MACROD2: variants seen among roughly 807,000 people sequenced by gnomAD.
The protein encoded by MACROD2 is mono-ADP ribosylhydrolase 2.
A neutral mutation model predicts 70.4 loss-of-function variants in MACROD2; 36 were observed. The observed-to-expected ratio is 0.51, with a 90% CI of 0.39 to 0.68. MACROD2 has a LOEUF of 0.68. Among genes scored for constraint, MACROD2 ranks in the 30% least tolerant of loss-of-function variants. MACROD2 has a pLI of 0.00. For missense variants in MACROD2, 496 were observed against 538.4 expected, an observed-to-expected ratio of 0.92 and a Z score of 0.78; for synonymous variants, 172 against 178.8, an observed-to-expected ratio of 0.96 and a Z score of 0.30.
At chr20:14,276,698 C>T (rs908634972) in intron 3 of MACROD2, among the ~76,000 whole-genome samples, 4 of 152,006 alleles carry the variant, frequency 2.6e-5, no homozygotes, top group African/African-American at 9.7e-5. Context: ...TGCATTTTGA[C>T]ACTATTGTAT....
At chr20:14,996,690 G>T (rs1015492787) in intron 5 of MACROD2, among the ~76,000 whole-genome samples, 1 of 152,252 alleles carries the variant, frequency 6.6e-6, no homozygotes, top group African/African-American at 2.4e-5. Context: ...TTGTGCTTGG[G>T]AAAAGGAGAG....
At chr20:15,323,086 T>G (rs980860956) in intron 6 of MACROD2, among the ~76,000 whole-genome samples, 2 of 103,998 alleles carry the variant, frequency 1.9e-5, no homozygotes, top group African/African-American at 5.9e-5. Context: ...GATGTTGACA[T>G]TCTGCCATTC....
In MACROD2 at chr20:15,943,884, G is replaced by T. The variant is rs184078679; in HGVS notation, c.907+6340G>T. Among the ~76,000 whole-genome samples, 274 of 151,944 alleles carry T rather than the reference G, an allele frequency of 1.8e-3. 3 individuals carry two copies. In the East Asian group the frequency reaches 0.029, roughly 16 times the overall value. On this transcript the variant is annotated intron_variant, in intron 12 of 17. Transcript: ENST00000684519. Reference sequence around the variant, plus strand: ...TTAATGTGAAAAATATACAATAAAAGCATATAGTCATTTTCCCTTTAAGGA... The same window carrying T: ...TTAATGTGAAAAATATACAATAAAATCATATAGTCATTTTCCCTTTAAGGA...
chr20:14,919,385 TTCTC>T (rs200709966), intron 5 of MACROD2, among the ~76,000 whole-genome samples: 4,008 of 152,348 alleles, frequency 0.026, 81 homozygotes, highest in Non-Finnish European at 0.039. Flanking sequence ...TCACTTACTT[TTCTC>T]TCTAATTTCA....
At chr20:14,205,871 A>G (rs1601346664) in intron 3 of MACROD2, among the ~76,000 whole-genome samples, 1 of 152,244 alleles carries the variant, frequency 6.6e-6, no homozygotes, top group Non-Finnish European at 1.5e-5. Flanking sequence ...TTAAATAGAT[A>G]CAAAGCCTTC....
intron 3 of MACROD2, among the ~76,000 whole-genome samples, chr20:14,321,848 T>A (rs1377236131): frequency 6.6e-6 from 1 of 152,136 alleles, no homozygotes; most frequent in Admixed American, 6.6e-5. Context: ...GTGTCATTTT[T>A]AATAGGGAGC....
intron 7 of MACROD2, among the ~76,000 whole-genome samples, chr20:15,496,321 A>G (rs1035202224): frequency 6.6e-6 from 1 of 152,256 alleles, no homozygotes; most frequent in African/African-American, 2.4e-5. Context: ...GTTGTTGTGG[A>G]AGATGAGCGG....
intron 5 of MACROD2, among the ~76,000 whole-genome samples, chr20:14,833,508 C>T (rs149953426): frequency 2.0e-5 from 3 of 152,116 alleles, no homozygotes; most frequent in South Asian, 2.1e-4. Flanking sequence ...TCTGTTTTTA[C>T]GATTCTGAAG....
chr20:15,019,801 G>T (rs969869315), intron 5 of MACROD2, among the ~76,000 whole-genome samples: 1 of 152,136 alleles, frequency 6.6e-6, no homozygotes, highest in African/African-American at 2.4e-5. Context: ...AAGTATTTTA[G>T]TTTTTGTGTA....
chr20:15,356,559 G>C (rs1217402019), intron 6 of MACROD2, among the ~76,000 whole-genome samples: 1 of 152,070 alleles, frequency 6.6e-6, no homozygotes, highest in African/African-American at 2.4e-5. Flanking sequence ...GAGGTGGGCA[G>C]ATCACTTGAG....
intron 10 of MACROD2, among the ~76,000 whole-genome samples, chr20:15,892,429 A>G (rs1396547794): frequency 6.6e-6 from 1 of 152,220 alleles, no homozygotes; most frequent in African/African-American, 2.4e-5. Context: ...TTTAACTGGG[A>G]CATACAGAAG....
At chr20:14,416,068 C>T (rs992022951) in intron 3 of MACROD2, among the ~76,000 whole-genome samples, 5 of 151,814 alleles carry the variant, frequency 3.3e-5, no homozygotes, top group African/African-American at 7.3e-5. Context: ...AAGTGATTCT[C>T]CTGCCTCAGC....
At chr20:14,375,996 T>C (rs204650) in intron 3 of MACROD2, among the ~76,000 whole-genome samples, 90,376 of 152,012 alleles carry the variant, frequency 0.59, 27,519 homozygotes, top group African/African-American at 0.67. Flanking sequence ...TTATTCTAAA[T>C]GTAGAAAAAT....
chr20:14,420,010 G>C (rs1321490231), intron 3 of MACROD2, among the ~76,000 whole-genome samples: 3 of 151,862 alleles, frequency 2.0e-5, no homozygotes, highest in Non-Finnish European at 2.9e-5. Flanking sequence ...ATTCTTGTGT[G>C]TATATCTACG....
chr20:14,257,031 T>C (rs2082061869), intron 3 of MACROD2, among the ~76,000 whole-genome samples: 1 of 152,092 alleles, frequency 6.6e-6, no homozygotes, highest in Non-Finnish European at 1.5e-5. Flanking sequence ...CAGCCTCTCA[T>C]GCATACCAAA....
intron 5 of MACROD2, among the ~76,000 whole-genome samples, chr20:15,139,892 G>C (rs144987845): frequency 6.6e-6 from 1 of 152,276 alleles, no homozygotes; most frequent in African/African-American, 2.4e-5. Context: ...CTGACCTTCT[G>C]GTGACCAGGG....
intron 8 of MACROD2, among the ~76,000 whole-genome samples, chr20:15,541,575 C>G (rs1348908231): frequency 6.6e-6 from 1 of 152,140 alleles, no homozygotes; most frequent in African/African-American, 2.4e-5. Flanking sequence ...AAAGCAGCAT[C>G]TGGTTTGATA....
chr20:14,454,537 G>T (rs2084278569), intron 3 of MACROD2, among the ~76,000 whole-genome samples: 1 of 151,584 alleles, frequency 6.6e-6, no homozygotes, highest in African/African-American at 2.4e-5. Flanking sequence ...ACAGAAGTCT[G>T]GTGGTAGGTT....
intron 5 of MACROD2, among the ~76,000 whole-genome samples, chr20:15,014,915 C>G (rs748411994): frequency 1.3e-5 from 2 of 151,808 alleles, no homozygotes; most frequent in East Asian, 1.9e-4. Context: ...TTATACAAAC[C>G]CAGTTTTTAT....
Sources: allele counts gnomAD v4.1 joint callset (sites outside exome capture counted in the v4.1 genomes callset), GRCh38; gene constraint gnomAD v4.1.1; transcripts MANE v1.5; gene names NCBI Gene and HGNC (gene_info 2026-07-23, HGNC 2026-07-21).